RUFY4: variants seen among roughly 807,000 people sequenced by gnomAD.
RUFY4 encodes RUN and FYVE domain-containing protein 4.
A neutral mutation model predicts 69.0 loss-of-function variants in RUFY4; 73 were observed. That is an observed-to-expected ratio of 1.06 (90% CI 0.88 to 1.29). The LOEUF (loss-of-function observed/expected upper bound fraction) is 1.29. RUFY4 is among the 50% of genes most tolerant of loss of function. The probability of loss-of-function intolerance (pLI) is 0.00; values close to 1 mark genes in which losing one functional copy is unlikely to be tolerated. For missense variants in RUFY4, 770 were observed against 705.6 expected (o/e 1.09, Z -1.03); for synonymous variants, 287 against 271.8 (o/e 1.06, Z -0.55).
chr2:218,076,401 C>T (rs1689631984), intron 7 of RUFY4, 26 bp from the exon 10 acceptor site: 2 of 1,547,246 alleles, frequency 1.3e-6, no homozygotes. Context: ...CCTTCAGCCT[C>T]CTTCTCCCCT....
chr2:218,089,984 C>G, exon 11 of RUFY4: 1 of 1,568,570 alleles, frequency 6.4e-7, no homozygotes, highest in Non-Finnish European at 8.6e-7. Flanking sequence ...CATGCTTGCT[C>G]CATGGATTAC....
intron 10 of RUFY4, 95 bp downstream of exon 12, chr2:218,089,457 A>T: frequency 1.9e-6 from 2 of 1,048,762 alleles, no homozygotes; most frequent in Non-Finnish European, 2.8e-6. Context: ...GGACACAGGA[A>T]CTGGGTGTTT....
chr2:218,058,929 T>C (rs1272674428), intron 3 of RUFY4, among the ~76,000 whole-genome samples: 1 of 152,174 alleles, frequency 6.6e-6, no homozygotes, highest in East Asian at 1.9e-4. Flanking sequence ...CAGAACACAT[T>C]TCTTTCCATG....
chr2:218,087,199 T>C (rs1166848035), intron 9 of RUFY4, among the ~76,000 whole-genome samples: 1 of 152,162 alleles, frequency 6.6e-6, no homozygotes, highest in Non-Finnish European at 1.5e-5. Context: ...TCCAATAGAA[T>C]GTTCTATAAA....
intron 2 of RUFY4, among the ~76,000 whole-genome samples, chr2:218,040,654 T>C (rs1232784848): frequency 6.6e-6 from 1 of 152,070 alleles, no homozygotes; most frequent in Non-Finnish European, 1.5e-5. Flanking sequence ...CCTTGCCCTT[T>C]TGTGGGAAGA....
chr2:218,053,047 ACTC>A (rs981257902), intron 2 of RUFY4, among the ~76,000 whole-genome samples: 16 of 152,172 alleles, frequency 1.1e-4, no homozygotes, highest in Admixed American at 7.2e-4. Context: ...GCAGCCTTAA[ACTC>A]CTGGGCTCAA....
At chr2:218,063,738 C>T (rs116817585) in intron 3 of RUFY4, among the ~76,000 whole-genome samples, 2,818 of 152,250 alleles carry the variant, frequency 0.019, 93 homozygotes, top group African/African-American at 0.064. Context: ...GAGGGCAGAG[C>T]ATCAGGCTCT....
chr2:218,044,984 A>G (rs543639643), intron 2 of RUFY4, among the ~76,000 whole-genome samples: 6 of 152,056 alleles, frequency 3.9e-5, no homozygotes, highest in Non-Finnish European at 7.4e-5. Context: ...GTAGAATTGT[A>G]TTTGTGTTTT....
chr2:218,077,847 C>T (rs764724299), intron 8 of RUFY4, among the ~76,000 whole-genome samples: 3 of 152,222 alleles, frequency 2.0e-5, no homozygotes, highest in Non-Finnish European at 4.4e-5. Flanking sequence ...AAGGTTTCCA[C>T]GATTCAGGGC....
chr2:218,071,118 T>G (rs4074801), intron 2 of RUFY4, among the ~76,000 whole-genome samples: 1 of 152,002 alleles, frequency 6.6e-6, no homozygotes, highest in Admixed American at 6.5e-5. Flanking sequence ...CTGCTTAAAC[T>G]TTCAGAGGCA....
At chr2:218,085,003 G>A (rs544770035) in intron 9 of RUFY4, among the ~76,000 whole-genome samples, 6 of 152,234 alleles carry the variant, frequency 3.9e-5, no homozygotes, top group East Asian at 1.9e-4. Context: ...AGCCAAGATC[G>A]TGCCACTGCA....
intron 8 of RUFY4, among the ~76,000 whole-genome samples, chr2:218,079,460 G>A (rs1392209127): frequency 6.6e-6 from 1 of 152,208 alleles, no homozygotes; most frequent in Non-Finnish European, 1.5e-5. Context: ...GGCTGTGGCA[G>A]GGCAGATTTG....
intron 3 of RUFY4, 137 bp from the exon 6 acceptor site, chr2:218,072,642 A>G (rs1689516283): frequency 7.4e-7 from 1 of 1,349,088 alleles, no homozygotes; most frequent in Non-Finnish European, 9.9e-7. Flanking sequence ...ACCCCTCCAG[A>G]CACCCTTTTC....
intron 2 of RUFY4, among the ~76,000 whole-genome samples, chr2:218,054,624 A>T (rs1252754095): frequency 1.3e-5 from 2 of 152,052 alleles, no homozygotes; most frequent in African/African-American, 4.8e-5. Flanking sequence ...AGAAGAACTG[A>T]TAGGTTTATA....
At chr2:218,070,500 G>A (rs1193889560) in exon 1 of RUFY4, 23 of 975,254 alleles carry the variant, frequency 2.4e-5, no homozygotes, top group Non-Finnish European at 3.3e-5. Context: ...CCCTCTGTAG[G>A]CTCTGCGTCC....
intron 3 of RUFY4, among the ~76,000 whole-genome samples, chr2:218,062,858 C>T (rs376728119): frequency 3.3e-5 from 5 of 152,352 alleles, no homozygotes; most frequent in East Asian, 1.9e-4. Context: ...TGAGCAGACA[C>T]AGCCAGCCTG....
chr2:218,076,678 AG>A (rs1689640754), intron 8 of RUFY4, 145 bp downstream of exon 10: 2 of 1,355,200 alleles, frequency 1.5e-6, no homozygotes, highest in South Asian at 3.1e-5. Context: ...TGAGGCCTGC[AG>A]GGCATTGCTC....
chr2:218,069,927 A>C (rs1689442749), upstream of RUFY4, among the ~76,000 whole-genome samples: 1 of 152,122 alleles, frequency 6.6e-6, no homozygotes, highest in Non-Finnish European at 1.5e-5. Flanking sequence ...GCAGTATTAC[A>C]ACCAGGCGCC....
At chr2:218,080,045 C>T (rs1359975948) in intron 8 of RUFY4, among the ~76,000 whole-genome samples, 1 of 152,186 alleles carries the variant, frequency 6.6e-6, no homozygotes, top group African/African-American at 2.4e-5. Flanking sequence ...CTGGACCATG[C>T]AAATATCTAG....
Sources: gnomAD v4.1 joint callset for allele counts (sites outside exome capture counted in the v4.1 genomes callset) on GRCh38, gnomAD v4.1.1 for gene constraint, MANE v1.5 for transcripts, NCBI Gene and HGNC (gene_info 2026-07-23, HGNC 2026-07-21) for gene names.